The following DNAH14 variants were observed in gnomAD, a reference collection of about 807,000 sequenced individuals.
DNAH14 encodes dynein axonemal heavy chain 14, also known as axonemal beta dynein heavy chain 14.
A neutral mutation model predicts 520.9 loss-of-function variants in DNAH14; 478 were observed. That is an observed-to-expected ratio of 0.92 (90% CI 0.85 to 0.99). The LOEUF (loss-of-function observed/expected upper bound fraction) is 0.99, where lower values mean the gene tolerates loss of function less well. Ranked by LOEUF, DNAH14 falls within the 50% of genes least tolerant of loss-of-function variation. DNAH14 has a pLI of 0.00. For synonymous variants in DNAH14, 1,581 were observed against 1,757.2 expected (o/e 0.90, Z 2.51); for missense variants, 4,831 against 5,234.5 (o/e 0.92, Z 2.38).
intron 37 of DNAH14, among the ~76,000 whole-genome samples, chr1:225,189,887 A>AT (rs1378669599): frequency 1.3e-5 from 2 of 150,730 alleles, no homozygotes; most frequent in African/African-American, 2.4e-5. Context: ...TTTGTGTTTG[A>AT]TTTTTTTCTA....
intron 54 of DNAH14, among the ~76,000 whole-genome samples, chr1:225,285,364 CAG>C (rs961782502): frequency 6.6e-6 from 1 of 152,026 alleles, no homozygotes; most frequent in African/African-American, 2.4e-5. Flanking sequence ...GCCTGGCCAA[CAG>C]GGTGAAACTC....
In DNAH14 at chr1:225,203,847, A is replaced by G. The variant is rs532194694; in HGVS notation, c.5887-336A>G. Among the ~76,000 whole-genome samples, 12 of 152,262 alleles carry G rather than the reference A, an allele frequency of 7.9e-5. No individual in the cohort carries two copies. In the South Asian group the frequency reaches 2.3e-3, roughly 29 times the overall value. On this transcript the variant is annotated intron_variant, in intron 38 of 85. Coordinates refer to ENST00000682510, the MANE Select transcript of DNAH14 (RefSeq NM_001367479.1). ...AAGGAAAGTCTAGAAAAAAAAATAC[A>G]CCAAAATATGTATGGTGATTGTCTG...
At chr1:225,241,194 A>G (rs915015523) in intron 43 of DNAH14, among the ~76,000 whole-genome samples, 3 of 152,002 alleles carry the variant, frequency 2.0e-5, no homozygotes, top group African/African-American at 7.2e-5. Flanking sequence ...AAAAATCCAA[A>G]TTATTTTATA....
At chr1:225,102,113 T>A (rs2075533672) in intron 23 of DNAH14, among the ~76,000 whole-genome samples, 1 of 147,496 alleles carries the variant, frequency 6.8e-6, no homozygotes, top group Non-Finnish European at 1.5e-5. Context: ...ATTGTTCAAT[T>A]CCCACCTATG....
chr1:225,332,793 A>G (rs2094826925), intron 65 of DNAH14, among the ~76,000 whole-genome samples: 1 of 150,408 alleles, frequency 6.6e-6, no homozygotes, highest in Admixed American at 6.7e-5. Context: ...TCAAGAGTTT[A>G]AGACCAACCG....
At chr1:225,267,886 T>C (rs673897) in intron 49 of DNAH14, among the ~76,000 whole-genome samples, 30,742 of 151,614 alleles carry the variant, frequency 0.2, 3,280 homozygotes, top group East Asian at 0.37. Context: ...AATCCAGGTA[T>C]GGCCCACCAG....
At chr1:225,104,743 A>G (rs1220474807) in intron 23 of DNAH14, among the ~76,000 whole-genome samples, 2 of 152,028 alleles carry the variant, frequency 1.3e-5, no homozygotes, top group African/African-American at 4.8e-5. Context: ...CCCCTTTATC[A>G]TTTTTTATTG....
chr1:225,107,443 CT>C (rs2076155698), intron 23 of DNAH14, among the ~76,000 whole-genome samples: 2 of 152,174 alleles, frequency 1.3e-5, no homozygotes, highest in Admixed American at 1.3e-4. Context: ...TCAACAAAAA[CT>C]TATTGATATG....
At chr1:224,976,647 A>G (rs2061868136) in intron 8 of DNAH14, among the ~76,000 whole-genome samples, 1 of 151,248 alleles carries the variant, frequency 6.6e-6, no homozygotes, top group Non-Finnish European at 1.5e-5. Context: ...ACAAGAAAAA[A>G]ACAAACAACC....
chr1:225,178,092 G>T (rs1364702306), intron 36 of DNAH14, among the ~76,000 whole-genome samples: 1 of 152,174 alleles, frequency 6.6e-6, no homozygotes, highest in Non-Finnish European at 1.5e-5. Context: ...TGTGAGACAT[G>T]AAGTCAAAGG....
At chr1:225,124,433 TG>T (rs1339067961) in intron 27 of DNAH14, among the ~76,000 whole-genome samples, 1 of 152,246 alleles carries the variant, frequency 6.6e-6, no homozygotes, top group East Asian at 1.9e-4. Flanking sequence ...ACTAAGTTTA[TG>T]TAATATACTA....
intron 13 of DNAH14, 75 bp from the exon 14 acceptor site, chr1:225,043,669 T>G: frequency 9.2e-7 from 1 of 1,092,318 alleles, no homozygotes; most frequent in South Asian, 1.4e-5. Flanking sequence ...CACTGGCATA[T>G]ATTAATTTGT....
chr1:225,393,953 G>A (rs2095963557), intron 84 of DNAH14, among the ~76,000 whole-genome samples: 1 of 151,594 alleles, frequency 6.6e-6, no homozygotes, highest in African/African-American at 2.4e-5. Context: ...CAAGCAGCTG[G>A]GACTACAGGC....
In DNAH14 at chr1:225,314,166, T is replaced by TAAA. The variant is rs1208039566; in HGVS notation, c.9241-4417_9241-4416insAAA. Among the ~76,000 whole-genome samples the TAAA allele has an allele frequency of 9.3e-4, 142 of 152,364 alleles. 2 individuals carry two copies. The South Asian group carries it at 0.012, about 13-fold the overall frequency. ...ATTTAGGATAGTTAGCTCTTCTTGCTGCATTGATTCCTTTACCATTATGTA... is the reference window on the plus strand; with the variant it reads ...ATTTAGGATAGTTAGCTCTTCTTGCTAAAGCATTGATTCCTTTACCATTATGTA... On this transcript the variant is annotated intron_variant, in intron 60 of 85. Coordinates refer to ENST00000682510, the MANE Select transcript of DNAH14 (RefSeq NM_001367479.1).
intron 8 of DNAH14, among the ~76,000 whole-genome samples, chr1:224,991,084 C>CCTTTTTTTTT (rs1558617220): frequency 1.3e-5 from 1 of 77,900 alleles, no homozygotes; most frequent in African/African-American, 4.3e-5. Flanking sequence ...TGATGTTGAG[C>CCTTTTTTTTT]TTTTTTTTTT....
chr1:225,194,356 C>T (rs1177566642), intron 38 of DNAH14, among the ~76,000 whole-genome samples: 1 of 152,068 alleles, frequency 6.6e-6, no homozygotes, highest in Non-Finnish European at 1.5e-5. Flanking sequence ...AGAAATAATA[C>T]TGCACACTTA....
chr1:225,257,573 T>C (rs2149743007), intron 44 of DNAH14, among the ~76,000 whole-genome samples: 1 of 151,744 alleles, frequency 6.6e-6, no homozygotes, highest in African/African-American at 2.4e-5. Flanking sequence ...GGAGTCTCTG[T>C]CGCCCAGGCT....
At chr1:225,317,214 T>G (rs1180883543) in intron 60 of DNAH14, among the ~76,000 whole-genome samples, 1 of 152,176 alleles carries the variant, frequency 6.6e-6, no homozygotes, top group Non-Finnish European at 1.5e-5. Flanking sequence ...AAATTTAAAT[T>G]CTTCCAATGT....
chr1:225,202,690 C>T (rs994160317), intron 38 of DNAH14, among the ~76,000 whole-genome samples: 1 of 152,192 alleles, frequency 6.6e-6, no homozygotes, highest in Non-Finnish European at 1.5e-5. Flanking sequence ...CACGCCCTTC[C>T]CTGAGTTCTG....
Sources: allele counts gnomAD v4.1 joint callset (sites outside exome capture counted in the v4.1 genomes callset), GRCh38; gene constraint gnomAD v4.1.1; transcripts MANE v1.5; gene names NCBI Gene and HGNC (gene_info 2026-07-23, HGNC 2026-07-21).